Variants in HEMK2 observed in about 807,000 individuals in gnomAD.
HEMK2 encodes the protein HemK methyltransferase 2, ETF1 glutamine and histone H4 lysine, also known as methyltransferase HEMK2.
At chr21:28,849,992 C>T in the HEMK2 span, among the ~76,000 whole-genome samples, 3 of 152,080 alleles carry the variant, frequency 2.0e-5, no homozygotes, top group Non-Finnish European at 2.9e-5. Context: ...AGGAAACATT[C>T]AAATTAAGGA....
At chr21:28,714,930 T>C in the HEMK2 span, among the ~76,000 whole-genome samples, 327 of 152,328 alleles carry the variant, frequency 2.1e-3, 2 homozygotes, top group African/African-American at 7.4e-3. Context: ...CTTAGGATAA[T>C]GACCTCTAGC....
the HEMK2 span, among the ~76,000 whole-genome samples, chr21:28,680,464 T>G: frequency 6.6e-6 from 1 of 152,052 alleles, no homozygotes; most frequent in Admixed American, 6.6e-5. Context: ...CCAGATTGTG[T>G]CAGAGGTACA....
At chr21:28,783,846 C>T in the HEMK2 span, among the ~76,000 whole-genome samples, 2,058 of 152,274 alleles carry the variant, frequency 0.014, 45 homozygotes, top group African/African-American at 0.046. Context: ...GCCCTGCACT[C>T]GGAGCGGCCG....
the HEMK2 span, among the ~76,000 whole-genome samples, chr21:28,730,418 A>AATTTAT: frequency 2.1e-3 from 293 of 142,288 alleles, 1 homozygote; most frequent in African/African-American, 5.9e-3. Context: ...ACACACACAC[A>AATTTAT]TTTCTCACAA....
chr21:28,810,397 G>A, the HEMK2 span, among the ~76,000 whole-genome samples: 1 of 152,072 alleles, frequency 6.6e-6, no homozygotes, highest in Non-Finnish European at 1.5e-5. Flanking sequence ...AATCAAAAAG[G>A]GCATGAATTT....
At chr21:28,841,408 A>AG in the HEMK2 span, among the ~76,000 whole-genome samples, 1 of 37,828 alleles carries the variant, frequency 2.6e-5, no homozygotes, top group African/African-American at 2.1e-4. Context: ...TATATATAAT[A>AG]TATATATTAT....
chr21:28,747,414 C>G, the HEMK2 span, among the ~76,000 whole-genome samples: 1 of 152,106 alleles, frequency 6.6e-6, no homozygotes, highest in African/African-American at 2.4e-5. Flanking sequence ...GAAGTTGACA[C>G]AGAATGACTT....
the HEMK2 span, among the ~76,000 whole-genome samples, chr21:28,682,606 T>C: frequency 6.6e-6 from 1 of 152,316 alleles, no homozygotes; most frequent in Admixed American, 6.5e-5. Context: ...TGCACACGTA[T>C]ATTTATTGTG....
the HEMK2 span, among the ~76,000 whole-genome samples, chr21:28,772,435 T>C: frequency 2.0e-5 from 3 of 152,192 alleles, no homozygotes; most frequent in African/African-American, 4.8e-5. Flanking sequence ...ACTGTCTTAA[T>C]GCCGTAAGAT....
At chr21:28,697,132 T>A in the HEMK2 span, among the ~76,000 whole-genome samples, 1 of 152,252 alleles carries the variant, frequency 6.6e-6, no homozygotes, top group Admixed American at 6.5e-5. Context: ...TCATTACTTA[T>A]GCAATTTTCT....
the HEMK2 span, among the ~76,000 whole-genome samples, chr21:28,610,807 C>T: frequency 6.6e-6 from 1 of 152,130 alleles, no homozygotes; most frequent in Non-Finnish European, 1.5e-5. Flanking sequence ...CAAAGAGAGA[C>T]ATTACGTAAT....
chr21:28,821,959 C>T, the HEMK2 span, among the ~76,000 whole-genome samples: 1 of 152,158 alleles, frequency 6.6e-6, no homozygotes, highest in Non-Finnish European at 1.5e-5. Context: ...TGGAAGTTTA[C>T]CTCAGTAATA....
the HEMK2 span, among the ~76,000 whole-genome samples, chr21:28,815,278 C>G: frequency 7.2e-4 from 109 of 151,334 alleles, no homozygotes; most frequent in African/African-American, 2.5e-3. Context: ...ATACCTAATG[C>G]TAAATGACGA....
chr21:28,840,768 G>A, the HEMK2 span, among the ~76,000 whole-genome samples: 22 of 151,524 alleles, frequency 1.5e-4, no homozygotes, highest in African/African-American at 5.3e-4. Context: ...AACTAGTACA[G>A]CTGCTATGGA....
the HEMK2 span, among the ~76,000 whole-genome samples, chr21:28,883,362 T>C: frequency 2.0e-5 from 3 of 152,090 alleles, no homozygotes; most frequent in African/African-American, 7.2e-5. Context: ...TATGGAAAAA[T>C]GTTAATCTAG....
At chr21:28,828,296 A>T in the HEMK2 span, among the ~76,000 whole-genome samples, 1 of 152,292 alleles carries the variant, frequency 6.6e-6, no homozygotes, top group Non-Finnish European at 1.5e-5. Flanking sequence ...AGTGGGATTT[A>T]GATGCACATG....
chr21:28,621,072 T>C, the HEMK2 span, among the ~76,000 whole-genome samples: 1 of 152,090 alleles, frequency 6.6e-6, no homozygotes, highest in South Asian at 2.1e-4. Flanking sequence ...GCATTTTTTG[T>C]GTGTCTATCT....
the HEMK2 span, among the ~76,000 whole-genome samples, chr21:28,625,286 T>C: frequency 1.3e-5 from 2 of 152,214 alleles, no homozygotes. Context: ...AGCTAGCTAT[T>C]GCAAAAGATA....
the HEMK2 span, among the ~76,000 whole-genome samples, chr21:28,818,524 T>A: frequency 4.2e-3 from 644 of 152,290 alleles, 3 homozygotes; most frequent in Non-Finnish European, 7.3e-3. Flanking sequence ...TATAGAGCAA[T>A]GTCTAGACAG....
Sources: gnomAD v4.1 joint callset for allele counts (sites outside exome capture counted in the v4.1 genomes callset) on GRCh38, gnomAD v4.1.1 for gene constraint, MANE v1.5 for transcripts, NCBI Gene and HGNC (gene_info 2026-07-23, HGNC 2026-07-21) for gene names.